The following PTP4A3 variants were observed in gnomAD, a reference collection of about 807,000 sequenced individuals.
PTP4A3 encodes protein tyrosine phosphatase type IVA 3.
A neutral mutation model predicts 15.2 loss-of-function variants in PTP4A3; 9 were observed. The observed-to-expected ratio is 0.59, with a 90% CI of 0.36 to 1.03. The LOEUF is 1.03. Ranked by LOEUF, PTP4A3 falls within the 50% of genes least tolerant of loss-of-function variation. PTP4A3 has a pLI of 0.02. For missense variants in PTP4A3, 234 were observed against 252.1 expected, an observed-to-expected ratio of 0.93 and a Z score of 0.49; for synonymous variants, 95 against 102.0, an observed-to-expected ratio of 0.93 and a Z score of 0.41.
intron 1 of PTP4A3, among the ~76,000 whole-genome samples, chr8:141,405,170 T>C (rs536629781): frequency 8.9e-4 from 135 of 152,274 alleles, no homozygotes; most frequent in Non-Finnish European, 1.4e-3. Context: ...TGGGACTGTT[T>C]AGGGCTTTGG....
chr8:141,397,138 A>G (rs574878259), intron 1 of PTP4A3, among the ~76,000 whole-genome samples: 2 of 152,274 alleles, frequency 1.3e-5, no homozygotes, highest in South Asian at 4.1e-4. Context: ...CGGCTCCTGG[A>G]GCCGGAGTGA....
intron 2 of PTP4A3, among the ~76,000 whole-genome samples, chr8:141,424,477 A>T (rs532421879): frequency 1.3e-5 from 2 of 152,134 alleles, no homozygotes; most frequent in East Asian, 3.9e-4. Flanking sequence ...CTTAGACCCT[A>T]AAAACTGGAC....
At chr8:141,419,706 G>A (rs1833239251) in intron 1 of PTP4A3, among the ~76,000 whole-genome samples, 1 of 152,010 alleles carries the variant, frequency 6.6e-6, no homozygotes, top group African/African-American at 2.4e-5. Flanking sequence ...CGAGTAGCTG[G>A]GATTACAGGC....
At chr8:141,430,019 T>C (rs1170733201) in intron 5 of PTP4A3, among the ~76,000 whole-genome samples, 3 of 52,762 alleles carry the variant, frequency 5.7e-5, no homozygotes, top group South Asian at 9.9e-4. Context: ...GAGCGCACAG[T>C]CTGGGTCCCC....
chr8:141,394,522 C>T (rs12155976), intron 1 of PTP4A3, among the ~76,000 whole-genome samples: 5,059 of 152,268 alleles, frequency 0.033, 107 homozygotes, highest in Non-Finnish European at 0.048. Flanking sequence ...TGTTTCCTAG[C>T]AAGTGCAGCA....
At chr8:141,399,303 ATCT>A (rs949929471) in intron 1 of PTP4A3, among the ~76,000 whole-genome samples, 11 of 151,994 alleles carry the variant, frequency 7.2e-5, no homozygotes, top group Non-Finnish European at 1.2e-4. Flanking sequence ...CAAGGCAAAC[ATCT>A]TCTCCTTTAA....
chr8:141,426,297 G>A lies in PTP4A3; in HGVS notation c.199-642G>A, dbSNP rs146086766. On this transcript the variant is annotated intron_variant, in intron 3 of 5. Coordinates refer to ENST00000521578, the MANE Select transcript of PTP4A3 (RefSeq NM_032611.3). ...CGGGCCCTCCCCTAGGAAGACTCAC[G>A]TTGCCCACCGATCTAGGGCGCTGGG... Among the ~76,000 whole-genome samples, 137 of 152,320 alleles carry A rather than the reference G, an allele frequency of 9.0e-4. No individual in the cohort carries two copies. The East Asian group carries it at 0.023, about 26-fold the overall frequency.
At chr8:141,423,808 C>G (rs1255760962) in intron 2 of PTP4A3, among the ~76,000 whole-genome samples, 1 of 148,730 alleles carries the variant, frequency 6.7e-6, no homozygotes, top group Non-Finnish European at 1.5e-5. Context: ...AGGGCTCATC[C>G]TGTGACCAGG....
At chr8:141,392,709 C>G (rs975290335) in intron 1 of PTP4A3, 7 of 152,274 alleles carry the variant, frequency 4.6e-5, no homozygotes, top group Non-Finnish European at 1.0e-4. Flanking sequence ...ACGGGTGACT[C>G]CTGACACGCC....
intron 5 of PTP4A3, 82 bp downstream of exon 5, chr8:141,427,906 C>A: frequency 1.5e-6 from 2 of 1,314,934 alleles, no homozygotes; most frequent in Non-Finnish European, 2.1e-6. Flanking sequence ...GCGGCATTGG[C>A]TGTGTGGTTC....
chr8:141,427,033 G>GCTGCGTGGCTGTGCA lies in PTP4A3; in HGVS notation c.303_317dup (p.Val102_Ala106dup). ...GCCAAGTTCTGTGAGGCCCCCGGCA[G>GCTGCGTGGCTGTGCA]CTGCGTGGCTGTGCACTGCGTGGCG... On this transcript the variant is annotated inframe_insertion, in exon 4 of 6. Transcript: ENST00000521578. The GCTGCGTGGCTGTGCA allele has an allele frequency of 6.2e-7, 1 of 1,601,302 alleles. No homozygotes were observed. The highest frequency in any genetic ancestry group is 8.5e-7 in the Non-Finnish European group (1 of 1,179,808).
chr8:141,420,693 C>T (rs1833289578), intron 1 of PTP4A3, among the ~76,000 whole-genome samples: 2 of 152,252 alleles, frequency 1.3e-5, no homozygotes, highest in Admixed American at 1.3e-4. Flanking sequence ...CTGTTTATCC[C>T]CGAGCCTGGC....
intron 1 of PTP4A3, among the ~76,000 whole-genome samples, chr8:141,416,514 C>T (rs1434798544): frequency 4.6e-5 from 7 of 152,174 alleles, no homozygotes; most frequent in Admixed American, 3.3e-4. Context: ...TTGCCTTCAA[C>T]CTTCAGGGAG....
chr8:141,418,141 G>A (rs1303212934), intron 1 of PTP4A3, among the ~76,000 whole-genome samples: 1 of 152,110 alleles, frequency 6.6e-6, no homozygotes, highest in Non-Finnish European at 1.5e-5. Context: ...GGAGGGGGCC[G>A]CGCCCCTTAC....
At chr8:141,398,148 T>C (rs1452744435) in intron 1 of PTP4A3, among the ~76,000 whole-genome samples, 1 of 152,176 alleles carries the variant, frequency 6.6e-6, no homozygotes, top group East Asian at 1.9e-4. Context: ...TAGCCAGTGC[T>C]CAGGGTTTAT....
In PTP4A3 at chr8:141,425,357, T is replaced by C. The variant is rs1480294449; in HGVS notation, c.198+217T>C. On this transcript the variant is annotated intron_variant, in intron 3 of 5. Transcript: ENST00000521578. The surrounding 1 kb of genome is among the most constrained non-coding windows in gnomAD (Gnocchi z 4.2). The stretch of plus-strand genomic sequence containing the variant: ...TCACCCTTGCGCACCCGTCTTTCTG[T>C]CTCTAGGGTGGGCCAGCACGGTTCG... Among the ~76,000 whole-genome samples the C allele has an allele frequency of 2.0e-5, 3 of 152,074 alleles. No homozygotes were observed. Among genetic ancestry groups the C allele is most frequent in the Non-Finnish European group, 4.4e-5 (3 of 67,956 alleles).
Position 141,425,930 on chromosome 8 carries a change from C to T in PTP4A3, c.198+790C>T, listed in dbSNP as rs190122274. Among the ~76,000 whole-genome samples the T allele has an allele frequency of 1.6e-4, 25 of 152,314 alleles. No homozygotes were observed. In the East Asian group the frequency reaches 2.5e-3, roughly 15 times the overall value. ...AGCCTTGCGACCCTGCAGGTCACTC[C>T]GAGCCTTGGGTTCCTCACCTCAAAG... is the stretch of plus-strand genomic sequence containing the variant. On this transcript the variant is annotated intron_variant, in intron 3 of 5. Transcript: ENST00000521578. The surrounding 1 kb of genome is among the most constrained non-coding windows in gnomAD (Gnocchi z 4.2).
rs1027470292 is a variant in PTP4A3, at chr8:141,406,538, C to A, written c.-854+14454C>A. On this transcript the variant is annotated intron_variant, in intron 1 of 5. Coordinates refer to ENST00000521578, the MANE Select transcript of PTP4A3 (RefSeq NM_032611.3). This position sits in a 1 kb window ranked among gnomAD's most constrained non-coding sequence, Gnocchi z 4.5. ...CAAGCCGCGCCCCCATCTGGATGCC[C>A]ACTTCTTCCACTCTGCTCTGTTGGA... Among the ~76,000 whole-genome samples, 7 of 152,148 alleles carry A rather than the reference C, an allele frequency of 4.6e-5. No individual in the cohort carries two copies. Among genetic ancestry groups the A allele is most frequent in the Admixed American group, 1.3e-4 (2 of 15,282 alleles).
At chr8:141,414,984 G>A (rs1832983387) in intron 1 of PTP4A3, among the ~76,000 whole-genome samples, 2 of 143,994 alleles carry the variant, frequency 1.4e-5, no homozygotes, top group South Asian at 4.7e-4. Flanking sequence ...TATGTTAGAA[G>A]TTGTGTATAT....
Sources: gnomAD v4.1 joint callset for allele counts (sites outside exome capture counted in the v4.1 genomes callset) on GRCh38, gnomAD v4.1.1 for gene constraint, Gnocchi (gnomAD v3.1) non-coding constraint, MANE v1.5 for transcripts, NCBI Gene and HGNC (gene_info 2026-07-23, HGNC 2026-07-21) for gene names.